COL14A1: variants seen among roughly 807,000 people sequenced by gnomAD.
The protein encoded by COL14A1 is collagen type XIV alpha 1 chain.
COL14A1 carries 136 observed loss-of-function variants against 230.3 expected under a neutral mutation model. The observed-to-expected ratio is 0.59, with a 90% CI of 0.51 to 0.68. The LOEUF is 0.68. Ranked by LOEUF, COL14A1 falls within the 30% of genes least tolerant of loss-of-function variation. The pLI is 0.00. For synonymous variants in COL14A1, 792 were observed against 784.1 expected (o/e 1.01, Z -0.17); for missense variants, 1,976 against 2,215.8 (o/e 0.89, Z 2.17).
chr8:120,126,223 G>A (rs948608857), intron 1 of COL14A1, among the ~76,000 whole-genome samples: 4 of 152,246 alleles, frequency 2.6e-5, no homozygotes, highest in Non-Finnish European at 5.9e-5. Context: ...GGCCATTACA[G>A]TGGCCTCGGT....
intron 8 of COL14A1, among the ~76,000 whole-genome samples, chr8:120,202,429 C>A (rs1817278813): frequency 6.6e-6 from 1 of 152,168 alleles, no homozygotes; most frequent in Admixed American, 6.5e-5. Flanking sequence ...CAGGTAATTT[C>A]TCTTCCTTGC....
intron 8 of COL14A1, among the ~76,000 whole-genome samples, chr8:120,203,359 G>T: frequency 6.6e-6 from 1 of 151,434 alleles, no homozygotes; most frequent in East Asian, 2.0e-4. Context: ...GGGGTGGGGG[G>T]GGGTCCCAAG....
At chr8:120,363,665 G>A (rs960573502) in intron 45 of COL14A1, among the ~76,000 whole-genome samples, 11 of 152,074 alleles carry the variant, frequency 7.2e-5, no homozygotes, top group African/African-American at 2.4e-4. Context: ...GTATTTATTG[G>A]GCCACCTAAG....
intron 1 of COL14A1, among the ~76,000 whole-genome samples, chr8:120,144,521 G>A (rs1271607858): frequency 6.6e-6 from 1 of 152,066 alleles, no homozygotes; most frequent in Non-Finnish European, 1.5e-5. Context: ...AAAATTCTTA[G>A]TAAAAAGACA....
rs16893933 is a variant in COL14A1, at chr8:120,337,998, C to T, written c.4786-3327C>T. On this transcript the variant is annotated intron_variant, in intron 42 of 47. Coordinates refer to ENST00000297848, the MANE Select transcript of COL14A1 (RefSeq NM_021110.4). Reference sequence around the variant, plus strand: ...AATTTCAAGCCCAATTAAACACATCCGTCCCTACATACCAAAAGGTGCCAA... The same window carrying T: ...AATTTCAAGCCCAATTAAACACATCTGTCCCTACATACCAAAAGGTGCCAA... 2.3e-3 allele frequency among the ~76,000 whole-genome samples: 344 copies of T among 152,250 alleles called. 8 individuals are homozygous for T. The East Asian group carries it at 0.058, about 26-fold the overall frequency.
chr8:120,158,710 GTTATTT>G (rs1314038048), intron 3 of COL14A1, among the ~76,000 whole-genome samples: 7 of 152,050 alleles, frequency 4.6e-5, no homozygotes, highest in Non-Finnish European at 1.5e-5. Flanking sequence ...ATCATGAATA[GTTATTT>G]AAGGATGCTT....
At chr8:120,188,990 T>C (rs1184505158) in intron 5 of COL14A1, among the ~76,000 whole-genome samples, 2 of 152,212 alleles carry the variant, frequency 1.3e-5, no homozygotes, top group African/African-American at 2.4e-5. Context: ...AATGGTGAAA[T>C]GGGTAATGTG....
chr8:120,341,540 TG>T (rs1822298917), intron 43 of COL14A1, among the ~76,000 whole-genome samples, 180 bp downstream of exon 43: 1 of 152,226 alleles, frequency 6.6e-6, no homozygotes, highest in African/African-American at 2.4e-5. Context: ...AAAATCCCTG[TG>T]GGCTGGGAGT....
At chr8:120,295,673 TAAAC>T (rs375695356) in intron 34 of COL14A1, among the ~76,000 whole-genome samples, 18 of 151,980 alleles carry the variant, frequency 1.2e-4, no homozygotes, top group East Asian at 1.9e-4. Context: ...ACCTTCTCCT[TAAAC>T]AAATCAATTA....
At chr8:120,284,895 G>A (rs369363487) in intron 32 of COL14A1, among the ~76,000 whole-genome samples, 17 of 152,154 alleles carry the variant, frequency 1.1e-4, no homozygotes, top group African/African-American at 3.9e-4. Context: ...GTAATGCTTT[G>A]TATGCATATA....
intron 24 of COL14A1, among the ~76,000 whole-genome samples, chr8:120,266,332 A>G (rs1163893092): frequency 6.6e-6 from 1 of 152,216 alleles, no homozygotes; most frequent in Non-Finnish European, 1.5e-5. Context: ...CCTCAAAACC[A>G]AAAGACATTT....
chr8:120,162,065 A>T (rs1022490017), intron 3 of COL14A1, among the ~76,000 whole-genome samples: 5 of 152,222 alleles, frequency 3.3e-5, no homozygotes, highest in Non-Finnish European at 7.3e-5. Flanking sequence ...CCTGCTATAT[A>T]AAAGCAGTAG....
chr8:120,235,261 C>T (rs547164196), intron 19 of COL14A1, among the ~76,000 whole-genome samples: 51 of 152,246 alleles, frequency 3.3e-4, no homozygotes, highest in Non-Finnish European at 5.9e-4. Flanking sequence ...CCTCCTCCTC[C>T]TGGGTTCCAG....
intron 14 of COL14A1, among the ~76,000 whole-genome samples, chr8:120,224,718 A>G (rs904521583): frequency 1.3e-5 from 2 of 152,222 alleles, no homozygotes; most frequent in African/African-American, 4.8e-5. Flanking sequence ...CAACTCTTAT[A>G]GGAGCTATCA....
At chr8:120,175,821 C>T (rs1816264177) in intron 5 of COL14A1, among the ~76,000 whole-genome samples, 1 of 152,164 alleles carries the variant, frequency 6.6e-6, no homozygotes, top group Non-Finnish European at 1.5e-5. Context: ...CTTCACTAAA[C>T]CAAGTAATGA....
chr8:120,192,271 T>C (rs1816852843), intron 5 of COL14A1, among the ~76,000 whole-genome samples: 1 of 152,210 alleles, frequency 6.6e-6, no homozygotes, highest in Admixed American at 6.5e-5. Context: ...CATTTGCTTG[T>C]CTTTAAAGTA....
In COL14A1 at chr8:120,272,829, A is replaced by G. The variant is rs540381001; in HGVS notation, c.3213+2655A>G. ...ACTGCTAGACCTAAGAAGTAAGACAACAACACAATAATAGTGGGGAACTTT... is the reference window on the plus strand; with the variant it reads ...ACTGCTAGACCTAAGAAGTAAGACAGCAACACAATAATAGTGGGGAACTTT... On this transcript the variant is annotated intron_variant, in intron 26 of 47. Coordinates refer to ENST00000297848, the MANE Select transcript of COL14A1 (RefSeq NM_021110.4). 9.9e-5 allele frequency among the ~76,000 whole-genome samples: 15 copies of G among 151,594 alleles called. No individual in the cohort carries two copies. In the South Asian group the frequency reaches 3.1e-3, roughly 31 times the overall value.
chr8:120,264,464 T>C (rs1348505172), intron 24 of COL14A1, among the ~76,000 whole-genome samples: 1 of 152,148 alleles, frequency 6.6e-6, no homozygotes, highest in African/African-American at 2.4e-5. Context: ...ATCTCTGAGC[T>C]TTTCACTCAT....
rs556638199 is a variant in COL14A1 at position 120,128,223 on chromosome 8, G to A, written c.-38+2883G>A. On this transcript the variant is annotated intron_variant, in intron 1 of 47. Transcript: ENST00000297848. Reference sequence around the variant, plus strand: ...CTGTGACGTGTGTGTGTGTGTGTGCGCGCGCGTGTGTGTGTGTGTGTGTGT... The same window carrying A: ...CTGTGACGTGTGTGTGTGTGTGTGCACGCGCGTGTGTGTGTGTGTGTGTGT... Among the ~76,000 whole-genome samples, 35 of 88,280 alleles carry A rather than the reference G, an allele frequency of 4.0e-4. No individual in the cohort carries two copies. In the South Asian group the frequency reaches 9.2e-3, roughly 23 times the overall value. 57.9% of individuals were successfully genotyped at this position (88,280 alleles called of 152,430 possible). A position where few individuals can be genotyped will look rare whatever the true frequency, so the allele number is the denominator to read the frequency against.
Sources: allele counts gnomAD v4.1 joint callset (sites outside exome capture counted in the v4.1 genomes callset), GRCh38; gene constraint gnomAD v4.1.1; transcripts MANE v1.5; gene names NCBI Gene and HGNC (gene_info 2026-07-23, HGNC 2026-07-21).